Variants in GORAB observed in about 807,000 individuals in gnomAD.
The protein encoded by GORAB is golgin, RAB6 interacting, also known as RAB6-interacting golgin.
A neutral mutation model predicts 29.9 loss-of-function variants in GORAB; 17 were observed. That is an observed-to-expected ratio of 0.57 (90% CI 0.39 to 0.85). The LOEUF is 0.85. GORAB is among the 40% of genes least tolerant of loss of function. The pLI, the probability that GORAB is intolerant of heterozygous loss-of-function variation, is 0.00. For synonymous variants in GORAB, 183 were observed against 157.2 expected, an observed-to-expected ratio of 1.16 and a Z score of -1.23; for missense variants, 442 against 437.8, an observed-to-expected ratio of 1.01 and a Z score of -0.09.
chr1:170,552,021 G>T lies in GORAB; in HGVS notation c.669G>T (p.Arg223=). Residue 223 remains arginine (R), a synonymous_variant, in exon 5 of 5, where the codon CGG becomes CGT. Coordinates refer to ENST00000367763, the MANE Select transcript of GORAB (RefSeq NM_152281.3). The part of the protein sequence containing the change: ...ASLDYSYARK[R]FDRAEAEYIA... ...TTTATACACATCCTTACAGGAAGCGGTTTGACAGGGCTGAAGCAGAGTACA... is the reference window on the plus strand; with the variant it reads ...TTTATACACATCCTTACAGGAAGCGTTTTGACAGGGCTGAAGCAGAGTACA... The T allele has an allele frequency of 6.2e-7, 1 of 1,613,748 alleles. No individual in the cohort carries two copies. The highest frequency in any genetic ancestry group is 8.5e-7 in the Non-Finnish European group (1 of 1,179,808).
chr1:170,553,697 T>C lies in GORAB; in HGVS notation c.*1235T>C, dbSNP rs1226837074. On this transcript the variant is annotated 3_prime_UTR_variant, in exon 5 of 5. Transcript: ENST00000367763. ...TATATTATGTAATTTGAGTTGAAAGTATAACATTTTACTACTGACTTCTCT... is the reference window on the plus strand; with the variant it reads ...TATATTATGTAATTTGAGTTGAAAGCATAACATTTTACTACTGACTTCTCT... 1 of 450,110 alleles carries C rather than the reference T, an allele frequency of 2.2e-6. No homozygotes were observed. Among genetic ancestry groups the C allele is most frequent in the East Asian group, 7.0e-5 (1 of 14,388 alleles). 27.9% of individuals were successfully genotyped at this position (450,110 alleles called of 1,614,324 possible). A position where few individuals can be genotyped will look rare whatever the true frequency, so the allele number is the denominator to read the frequency against.
chr1:170,539,711 A>G (rs1272216310), intron 2 of GORAB, 144 bp downstream of exon 2: 2 of 850,432 alleles, frequency 2.4e-6, no homozygotes, highest in Non-Finnish European at 1.8e-6. Context: ...TGTATAAACT[A>G]TTGAAAAATA....
chr1:170,547,406 GCTGCTGCTA>G (rs56089801), intron 4 of GORAB, among the ~76,000 whole-genome samples: 129,431 of 149,634 alleles, frequency 0.86, 58,469 homozygotes, highest in East Asian at 0.99. Context: ...TGCTGCTGCT[GCTGCTGCTA>G]CTGCTGCTAC....
At chr1:170,540,560 CAA>C (rs912233074) in intron 2 of GORAB, among the ~76,000 whole-genome samples, 2 of 151,924 alleles carry the variant, frequency 1.3e-5, no homozygotes, top group African/African-American at 4.8e-5. Context: ...ATCATTTTGA[CAA>C]GAGTTATAAA....
At chr1:170,534,565 A>C (rs1314827703) in intron 1 of GORAB, among the ~76,000 whole-genome samples, 1 of 152,168 alleles carries the variant, frequency 6.6e-6, no homozygotes, top group Non-Finnish European at 1.5e-5. Context: ...GCAGCGGACC[A>C]CATATATGGT....
chr1:170,545,273 C>A, intron 4 of GORAB: 1 of 985,976 alleles, frequency 1.0e-6, no homozygotes, highest in Non-Finnish European at 1.2e-6. Flanking sequence ...GAAGTCTAGT[C>A]CTCACTTTAG....
At chr1:170,549,913 T>C (rs984931274) in intron 4 of GORAB, among the ~76,000 whole-genome samples, 2 of 152,200 alleles carry the variant, frequency 1.3e-5, no homozygotes, top group East Asian at 1.9e-4. Context: ...TTGATTCTGG[T>C]GTTCTAAATG....
rs1649661754 is a variant in GORAB at position 170,544,856 on chromosome 1, G to A, written c.662+11G>A. On this transcript the variant is annotated intron_variant, in intron 4 of 4. Coordinates refer to ENST00000367763, the MANE Select transcript of GORAB (RefSeq NM_152281.3). ...CTATTCATACGCTCGGTGAGTTGGG[G>A]AAATTGAATCTGAACAAGGAGTATG... is the stretch of plus-strand genomic sequence containing the variant. The A allele has an allele frequency of 6.2e-7, 1 of 1,604,476 alleles. No individual in the cohort carries two copies. Among genetic ancestry groups the A allele is most frequent in the Admixed American group, 1.7e-5 (1 of 59,870 alleles).
At chr1:170,548,361 A>T (rs1254112232) in intron 4 of GORAB, among the ~76,000 whole-genome samples, 1 of 152,132 alleles carries the variant, frequency 6.6e-6, no homozygotes, top group Non-Finnish European at 1.5e-5. Context: ...CAAAACCTTT[A>T]TCTTAATCAC....
At chr1:170,546,795 C>T (rs1352180176) in intron 4 of GORAB, among the ~76,000 whole-genome samples, 6 of 152,154 alleles carry the variant, frequency 3.9e-5, no homozygotes, top group African/African-American at 1.4e-4. Context: ...AGCGATCCTC[C>T]TGCCTCAGCC....
chr1:170,536,810 G>A (rs910795301), intron 1 of GORAB, among the ~76,000 whole-genome samples: 2 of 152,140 alleles, frequency 1.3e-5, no homozygotes, highest in African/African-American at 4.8e-5. Context: ...TAAAACAGAT[G>A]TACAGCACAA....
chr1:170,547,606 A>T (rs1048802282), intron 4 of GORAB, among the ~76,000 whole-genome samples: 3 of 152,210 alleles, frequency 2.0e-5, no homozygotes, highest in Admixed American at 2.0e-4. Flanking sequence ...ATGCAAACAT[A>T]CACCCACAGA....
At chr1:170,551,714 T>C (rs1650117900) in intron 4 of GORAB, among the ~76,000 whole-genome samples, 1 of 152,170 alleles carries the variant, frequency 6.6e-6, no homozygotes, top group South Asian at 2.1e-4. Context: ...ACCCCAGAAC[T>C]AGCATACCAC....
At chr1:170,541,730 G>T (rs1462742425) in intron 2 of GORAB, among the ~76,000 whole-genome samples, 1 of 152,178 alleles carries the variant, frequency 6.6e-6, no homozygotes, top group African/African-American at 2.4e-5. Flanking sequence ...TGGACAGATT[G>T]TAAGACAATA....
At chr1:170,549,251 GTCA>G (rs1244011838) in intron 4 of GORAB, among the ~76,000 whole-genome samples, 4 of 151,992 alleles carry the variant, frequency 2.6e-5, no homozygotes, top group African/African-American at 9.7e-5. Context: ...GTTCCAGAAT[GTCA>G]TCATACACTA....
chr1:170,553,813 AG>A lies in GORAB; in HGVS notation c.*1353del, dbSNP rs1160416697. 2.2e-6 allele frequency: 1 copy of A among 452,826 alleles called. No homozygotes were observed. The highest frequency in any genetic ancestry group is 4.4e-6 in the Non-Finnish European group (1 of 226,560). 28.1% of individuals were successfully genotyped at this position (452,826 alleles called of 1,614,324 possible). A position where few individuals can be genotyped will look rare whatever the true frequency, so the allele number is the denominator to read the frequency against. ...ATTGTCTAACACACTTCTTTTTCTA[AG>A]GAATAAACAAGTCTGATGTACTTAT... On this transcript the variant is annotated 3_prime_UTR_variant, in exon 5 of 5. Transcript: ENST00000367763.
In GORAB at chr1:170,553,274, T is replaced by G; in HGVS notation, c.*812T>G. ...AAAAGTATGTATTTTCTTTCTAAAG[T>G]TATCTATAAATATGTTTTTGATATG... is the stretch of plus-strand genomic sequence containing the variant. On this transcript the variant is annotated 3_prime_UTR_variant, in exon 5 of 5. Transcript: ENST00000367763. 2.2e-6 allele frequency: 1 copy of G among 450,140 alleles called. No individual in the cohort carries two copies. The highest frequency in any genetic ancestry group is 1.6e-5 in the South Asian group (1 of 62,514). The allele number at this position is 450,140 out of a possible 1,614,324, so 27.9% of individuals were successfully genotyped here. A position where few individuals can be genotyped will look rare whatever the true frequency, so the allele number is the denominator to read the frequency against.
chr1:170,545,568 T>G (rs1292368601), intron 4 of GORAB: 1 of 985,256 alleles, frequency 1.0e-6, no homozygotes, highest in African/African-American at 1.7e-5. Context: ...TTCAGGGTTT[T>G]CAGCCCTTTC....
At chr1:170,545,096 C>CCTG in intron 4 of GORAB, 1 of 1,144,238 alleles carries the variant, frequency 8.7e-7, no homozygotes, top group East Asian at 4.2e-5. Context: ...ACGTTTTAGT[C>CCTG]TTTGCTGCGA....
Sources: allele counts gnomAD v4.1 joint callset (sites outside exome capture counted in the v4.1 genomes callset), GRCh38; gene constraint gnomAD v4.1.1; transcripts MANE v1.5; gene names NCBI Gene and HGNC (gene_info 2026-07-23, HGNC 2026-07-21).